NRXN1: variants seen among roughly 807,000 people sequenced by gnomAD.
NRXN1 encodes neurexin 1.
A neutral mutation model predicts 150.9 loss-of-function variants in NRXN1; 39 were observed. The ratio of observed to expected loss-of-function variants is 0.26; its 90% CI spans 0.20 to 0.34. NRXN1 has a LOEUF of 0.34. Ranked by LOEUF, NRXN1 falls within the 10% of genes least tolerant of loss-of-function variation. The pLI is 1.00. For missense variants in NRXN1, 1,815 were observed against 1,949.9 expected (o/e 0.93, Z 1.30); for synonymous variants, 924 against 757.0 (o/e 1.22, Z -3.62).
chr2:50,089,393 C>G (rs375146655), intron 19 of NRXN1, among the ~76,000 whole-genome samples: 3 of 152,180 alleles, frequency 2.0e-5, no homozygotes, highest in Non-Finnish European at 4.4e-5. Flanking sequence ...AGTGTGATGA[C>G]TTTCTCTCAG....
intron 5 of NRXN1, among the ~76,000 whole-genome samples, chr2:50,879,137 A>G (rs1679053566): frequency 6.6e-6 from 1 of 151,814 alleles, no homozygotes; most frequent in African/African-American, 2.4e-5. Flanking sequence ...ATCAGTTGAA[A>G]ACCTTGAGAC....
intron 5 of NRXN1, among the ~76,000 whole-genome samples, chr2:50,774,506 G>C (rs947544287): frequency 6.6e-6 from 1 of 152,064 alleles, no homozygotes; most frequent in African/African-American, 2.4e-5. Flanking sequence ...AGCTGATTGT[G>C]AATCACCCTT....
chr2:51,006,101 T>A (rs1241296388), intron 2 of NRXN1, among the ~76,000 whole-genome samples: 3 of 151,832 alleles, frequency 2.0e-5, no homozygotes, highest in Non-Finnish European at 2.9e-5. Context: ...AAAACGTGTA[T>A]AAATCTATTG....
chr2:49,980,771 T>C (rs58619206), intron 21 of NRXN1, among the ~76,000 whole-genome samples: 56,852 of 151,918 alleles, frequency 0.37, 11,209 homozygotes, highest in South Asian at 0.47. Context: ...ACAGGCAATG[T>C]CATTTTGTAT....
At chr2:50,919,019 T>TA (rs1685614806) in intron 5 of NRXN1, 2 of 151,800 alleles carry the variant, frequency 1.3e-5, no homozygotes, top group African/African-American at 2.4e-5. Context: ...TTTAGGAATG[T>TA]AAAAAACACA....
At chr2:50,541,641 G>A (rs899692768) in intron 9 of NRXN1, among the ~76,000 whole-genome samples, 36 of 151,670 alleles carry the variant, frequency 2.4e-4, no homozygotes, top group South Asian at 8.3e-4. Context: ...TTCTGAACAC[G>A]GTCATAGAGA....
chr2:50,886,073 T>C (rs541776777), intron 5 of NRXN1, among the ~76,000 whole-genome samples: 8 of 151,552 alleles, frequency 5.3e-5, no homozygotes, highest in Admixed American at 3.3e-4. Flanking sequence ...TTGATCATTG[T>C]ATAGACTAGT....
chr2:50,867,124 T>G (rs936046056), intron 5 of NRXN1, among the ~76,000 whole-genome samples: 10 of 151,964 alleles, frequency 6.6e-5, no homozygotes, highest in African/African-American at 2.2e-4. Flanking sequence ...GGACATCTCA[T>G]GAGCTTTTTA....
intron 13 of NRXN1, among the ~76,000 whole-genome samples, chr2:50,503,982 T>C (rs1003718498): frequency 6.6e-6 from 1 of 152,002 alleles, no homozygotes; most frequent in Admixed American, 6.6e-5. Flanking sequence ...AAAATATACA[T>C]TCAGTCATGA....
Position 50,866,099 on chromosome 2 carries a change from C to T in NRXN1, c.832+55770G>A, listed in dbSNP as rs78022148. ...TCTGGCTCTTTATTTAATTATGTTT[C>T]TACGGAATTAGATTATCAGTATCAA... On this transcript the variant is annotated intron_variant, in intron 5 of 22. Transcript: ENST00000401669. Among the ~76,000 whole-genome samples, 1,056 of 151,734 alleles carry T rather than the reference C, an allele frequency of 7.0e-3. 7 individuals carry two copies. The highest frequency in any genetic ancestry group is 0.024 in the African/African-American group (1,000 of 41,436).
At chr2:50,669,045 T>C (rs1688461555) in intron 5 of NRXN1, among the ~76,000 whole-genome samples, 1 of 151,874 alleles carries the variant, frequency 6.6e-6, no homozygotes, top group Non-Finnish European at 1.5e-5. Flanking sequence ...GAAGAAAATC[T>C]ACGCAGGAGA....
At chr2:50,725,918 AAAG>A (rs1697304365) in intron 5 of NRXN1, among the ~76,000 whole-genome samples, 1 of 152,200 alleles carries the variant, frequency 6.6e-6, no homozygotes, top group Admixed American at 6.5e-5. Flanking sequence ...TATTTTCATT[AAAG>A]AACAAGAGAG....
At chr2:50,655,670 G>C (rs188240643) in intron 5 of NRXN1, among the ~76,000 whole-genome samples, 7 of 151,092 alleles carry the variant, frequency 4.6e-5, no homozygotes, top group South Asian at 2.1e-4. Flanking sequence ...TTTCTTTTGG[G>C]GGGGGAGGGA....
In NRXN1 at chr2:50,994,571, T is replaced by C. The variant is rs374038043; in HGVS notation, c.772+32931A>G. Reference sequence around the variant, plus strand: ...AGAAAACCTCATCATAATCAGAGAATTGATTTTTAAACTTCCTCTTCCATA... The same window carrying C: ...AGAAAACCTCATCATAATCAGAGAACTGATTTTTAAACTTCCTCTTCCATA... On this transcript the variant is annotated intron_variant, in intron 2 of 22. Transcript: ENST00000401669. 2.6e-5 allele frequency among the ~76,000 whole-genome samples: 4 copies of C among 151,988 alleles called. No homozygotes were observed. The South Asian group carries it at 6.2e-4, about 24-fold the overall frequency.
chr2:50,177,876 T>C (rs559161543), intron 18 of NRXN1, among the ~76,000 whole-genome samples: 2 of 140,478 alleles, frequency 1.4e-5, no homozygotes, highest in African/African-American at 2.6e-5. Context: ...CCTGATTAAA[T>C]ACCTGTTGGA....
At chr2:50,413,178 C>A (rs1159667739) in intron 17 of NRXN1, among the ~76,000 whole-genome samples, 1 of 151,948 alleles carries the variant, frequency 6.6e-6, no homozygotes, top group African/African-American at 2.4e-5. Flanking sequence ...ATTTGCAAAC[C>A]CTCTATCTAA....
chr2:50,931,178 T>C (rs1687687950), intron 2 of NRXN1, among the ~76,000 whole-genome samples: 1 of 152,142 alleles, frequency 6.6e-6, no homozygotes, highest in Non-Finnish European at 1.5e-5. Flanking sequence ...CTAATGGTCT[T>C]CATTTGAAAG....
intron 17 of NRXN1, among the ~76,000 whole-genome samples, chr2:50,256,285 C>T (rs910863192): frequency 2.6e-5 from 4 of 152,102 alleles, no homozygotes; most frequent in Admixed American, 2.0e-4. Flanking sequence ...ATGTACCAAA[C>T]GTTTTTACCC....
intron 18 of NRXN1, among the ~76,000 whole-genome samples, chr2:50,159,433 C>A (rs576205174): frequency 7.9e-5 from 12 of 151,908 alleles, no homozygotes; most frequent in African/African-American, 2.9e-4. Context: ...TTTTTGCTCC[C>A]CACAAAACTA....
Sources: gnomAD v4.1 joint callset for allele counts (sites outside exome capture counted in the v4.1 genomes callset) on GRCh38, gnomAD v4.1.1 for gene constraint, MANE v1.5 for transcripts, NCBI Gene and HGNC (gene_info 2026-07-23, HGNC 2026-07-21) for gene names.